The following RBM27 variants were observed in gnomAD, a reference collection of about 807,000 sequenced individuals.
RBM27 encodes the protein RNA-binding protein 27.
A neutral mutation model predicts 135.3 loss-of-function variants in RBM27; 22 were observed. The ratio of observed to expected loss-of-function variants is 0.16; its 90% CI spans 0.12 to 0.23. The LOEUF (loss-of-function observed/expected upper bound fraction) is 0.23. Among genes scored for constraint, RBM27 ranks in the 10% least tolerant of loss-of-function variants. RBM27 has a pLI of 1.00. For missense variants in RBM27, 1,009 were observed against 1,281.0 expected (o/e 0.79, Z 3.24); for synonymous variants, 481 against 442.4 (o/e 1.09, Z -1.10).
At chr5:146,228,139 C>G (rs534195269) in intron 3 of RBM27, among the ~76,000 whole-genome samples, 29 of 152,184 alleles carry the variant, frequency 1.9e-4, no homozygotes, top group African/African-American at 7.0e-4. Flanking sequence ...ATCTGAGCAT[C>G]TTTTTTATTT....
intron 19 of RBM27, among the ~76,000 whole-genome samples, chr5:146,280,039 C>G (rs769546088): frequency 2.6e-5 from 4 of 151,680 alleles, no homozygotes; most frequent in Non-Finnish European, 5.9e-5. Flanking sequence ...AAAATCTTAG[C>G]TATCTGGTAT....
At chr5:146,215,716 A>C (rs1189895168) in intron 1 of RBM27, among the ~76,000 whole-genome samples, 2 of 152,004 alleles carry the variant, frequency 1.3e-5, no homozygotes, top group Non-Finnish European at 2.9e-5. Flanking sequence ...TCTGTTTTTT[A>C]AGGTGTTTAT....
Position 146,263,550 on chromosome 5 carries a change from T to C in RBM27, c.2250T>C (p.His750=), listed in dbSNP as rs1758484949. ...AYVLNKVPVK[H]RLGHAGGNQS... is the part of the protein sequence containing the mutation. ...TTCTTAACAAAGTTCCTGTTAAACA[T>C]CGTCTTGGACATGCAGGTGGTAACC... Residue 750 remains histidine (H), a synonymous_variant, in exon 14 of 21, where the codon CAT becomes CAC. Coordinates refer to ENST00000265271, the MANE Select transcript of RBM27 (RefSeq NM_018989.2). 6.2e-7 allele frequency: 1 copy of C among 1,614,080 alleles called. No homozygotes were observed. Among genetic ancestry groups the C allele is most frequent in the African/African-American group, 1.3e-5 (1 of 74,942 alleles).
intron 3 of RBM27, 123 bp from the exon 4 acceptor site, chr5:146,228,823 G>A (rs1318072177): frequency 1.6e-6 from 1 of 626,892 alleles, no homozygotes; most frequent in Non-Finnish European, 2.8e-6. Flanking sequence ...GTGTTTCCCA[G>A]GCTGGTCTCA....
rs962627626 is a variant in RBM27 at position 146,271,790 on chromosome 5, A to G, written c.2988+116A>G. 5 of 880,600 alleles carry G rather than the reference A, an allele frequency of 5.7e-6. No homozygotes were observed. The African/African-American group carries it at 8.5e-5, about 15-fold the overall frequency. 54.5% of individuals were successfully genotyped at this position (880,600 alleles called of 1,614,324 possible). A position where few individuals can be genotyped will look rare whatever the true frequency, so the allele number is the denominator to read the frequency against. On this transcript the variant is annotated intron_variant, in intron 19 of 20. Coordinates refer to ENST00000265271, the MANE Select transcript of RBM27 (RefSeq NM_018989.2). ...AGATTAGAAAAATTAGTTGTAAAAAACATGAGTACTACCAAATGCCTATTT... is the reference window on the plus strand; with the variant it reads ...AGATTAGAAAAATTAGTTGTAAAAAGCATGAGTACTACCAAATGCCTATTT...
At chr5:146,244,763 CCTCCTGGGCTTGAG>C (rs1757550886) in intron 8 of RBM27, among the ~76,000 whole-genome samples, 1 of 152,056 alleles carries the variant, frequency 6.6e-6, no homozygotes. Context: ...CTGATCTTGA[CCTCCTGGGCTTGAG>C]CTCTTCCCTG....
intron 8 of RBM27, among the ~76,000 whole-genome samples, chr5:146,243,721 TTTAAA>T (rs1331005641): frequency 6.6e-6 from 1 of 152,180 alleles, no homozygotes; most frequent in Admixed American, 6.6e-5. Context: ...GTTGGGAAAG[TTTAAA>T]TTATGGATAT....
rs904205947 is a variant in RBM27 at position 146,270,837 on chromosome 5, G to T, written c.2692-117G>T. The T allele has an allele frequency of 7.0e-5, 42 of 601,168 alleles. No individual in the cohort carries two copies. In the Middle Eastern group the frequency reaches 9.4e-4, roughly 13 times the overall value. 37.2% of individuals were successfully genotyped at this position (601,168 alleles called of 1,614,324 possible). On this transcript the variant is annotated intron_variant, in intron 17 of 20. Transcript: ENST00000265271. The stretch of plus-strand genomic sequence containing the variant: ...TTTTTTAAAAACACCCATGTTTATT[G>T]CATCCTCTCATTCTCATGTTCCAAA...
intron 19 of RBM27, among the ~76,000 whole-genome samples, chr5:146,283,107 A>G (rs1199577624): frequency 6.6e-6 from 1 of 152,234 alleles, no homozygotes; most frequent in Non-Finnish European, 1.5e-5. Flanking sequence ...TAAAAGTAAT[A>G]TGTTTTTATT....
intron 7 of RBM27, among the ~76,000 whole-genome samples, chr5:146,235,031 C>CAAAAAAAA (rs1197517230): frequency 3.1e-5 from 1 of 32,118 alleles, no homozygotes; most frequent in African/African-American, 1.2e-4. Context: ...GACCCTGTCT[C>CAAAAAAAA]AAAAATAAAT....
At chr5:146,231,983 T>G (rs1756953118) in intron 6 of RBM27, among the ~76,000 whole-genome samples, 1 of 152,244 alleles carries the variant, frequency 6.6e-6, no homozygotes, top group African/African-American at 2.4e-5. Context: ...AAGTTTGATT[T>G]GCTGACTTTC....
chr5:146,229,431 G>T (rs977525359), intron 4 of RBM27, among the ~76,000 whole-genome samples: 21 of 151,602 alleles, frequency 1.4e-4, no homozygotes, highest in Non-Finnish European at 2.8e-4. Context: ...ACTTTTTTTT[G>T]AGCCTTTTTT....
chr5:146,271,421 C>G, intron 18 of RBM27, 62 bp from the exon 19 acceptor site: 29 of 1,321,822 alleles, frequency 2.2e-5, no homozygotes, highest in South Asian at 3.0e-5. Flanking sequence ...AAAAAGTTTT[C>G]CTTTGTTTTT....
chr5:146,265,455 T>G (rs1201718356), intron 14 of RBM27, among the ~76,000 whole-genome samples: 4 of 152,192 alleles, frequency 2.6e-5, no homozygotes, highest in Non-Finnish European at 5.9e-5. Context: ...TTAAATCTTG[T>G]GGTTATGGCA....
At chr5:146,255,736 C>T (rs369374334) in intron 10 of RBM27, among the ~76,000 whole-genome samples, 4 of 152,032 alleles carry the variant, frequency 2.6e-5, no homozygotes, top group East Asian at 1.9e-4. Flanking sequence ...TATGAATTTC[C>T]AATATATAAT....
intron 11 of RBM27, among the ~76,000 whole-genome samples, chr5:146,258,808 G>C (rs1758233002): frequency 6.6e-6 from 1 of 151,112 alleles, no homozygotes; most frequent in African/African-American, 2.4e-5. Context: ...ATCCAGGCTG[G>C]AGTGCAATGG....
At chr5:146,203,886 G>T (rs1755501473) in intron 1 of RBM27, 62 bp downstream of exon 1, 3 of 1,430,918 alleles carry the variant, frequency 2.1e-6, no homozygotes, top group Non-Finnish European at 2.9e-6. Flanking sequence ...GCGGGGGCGT[G>T]GGGGAGGGGA....
chr5:146,272,541 G>A (rs896529715), intron 19 of RBM27, among the ~76,000 whole-genome samples: 1 of 152,060 alleles, frequency 6.6e-6, no homozygotes, highest in African/African-American at 2.4e-5. Flanking sequence ...GGCCAACATG[G>A]TGAAACCCCA....
intron 9 of RBM27, among the ~76,000 whole-genome samples, chr5:146,253,991 T>G (rs1758003200): frequency 6.6e-6 from 1 of 152,214 alleles, no homozygotes. Flanking sequence ...ATGGTTTATG[T>G]GTGAAACCAG....
Sources: gnomAD v4.1 joint callset for allele counts (sites outside exome capture counted in the v4.1 genomes callset) on GRCh38, gnomAD v4.1.1 for gene constraint, MANE v1.5 for transcripts, NCBI Gene and HGNC (gene_info 2026-07-23, HGNC 2026-07-21) for gene names.